The following ARHGEF7 variants were observed in gnomAD, a reference collection of about 807,000 sequenced individuals.
ARHGEF7 encodes PAK-interacting exchange factor beta.
ARHGEF7 carries 33 observed loss-of-function variants against 109.8 expected under a neutral mutation model. The observed-to-expected ratio is 0.30, with a 90% CI of 0.23 to 0.40. The LOEUF (loss-of-function observed/expected upper bound fraction) is 0.40, where lower values mean the gene tolerates loss of function less well. Among genes scored for constraint, ARHGEF7 ranks in the 10% least tolerant of loss-of-function variants. The pLI, the probability that ARHGEF7 is intolerant of heterozygous loss-of-function variation, is 1.00. For missense variants in ARHGEF7, 938 were observed against 1,098.5 expected (o/e 0.85, Z 2.07); for synonymous variants, 458 against 424.6 (o/e 1.08, Z -0.97).
At chr13:111,157,726 A>G (rs2153385388) in intron 2 of ARHGEF7, among the ~76,000 whole-genome samples, 1 of 152,228 alleles carries the variant, frequency 6.6e-6, no homozygotes, top group Admixed American at 6.5e-5. Flanking sequence ...TGTTTCCAGT[A>G]TTTTGCTATG....
intron 8 of ARHGEF7, among the ~76,000 whole-genome samples, chr13:111,246,423 A>G (rs1315222379): frequency 6.6e-6 from 1 of 152,168 alleles, no homozygotes; most frequent in African/African-American, 2.4e-5. Flanking sequence ...AGTTCATGAC[A>G]GTTTACCAAC....
intron 8 of ARHGEF7, among the ~76,000 whole-genome samples, chr13:111,261,847 AAC>A (rs1365133697): frequency 2.0e-5 from 3 of 152,246 alleles, no homozygotes; most frequent in African/African-American, 7.2e-5. Context: ...ATGGAAATTA[AAC>A]AGTGTGCTCC....
chr13:111,253,191 T>C (rs2089995516), intron 8 of ARHGEF7, among the ~76,000 whole-genome samples: 1 of 152,266 alleles, frequency 6.6e-6, no homozygotes, highest in South Asian at 2.1e-4. Context: ...GAGAATTCCC[T>C]GTACTACATG....
At chr13:111,235,158 T>TA (rs760384515) in intron 6 of ARHGEF7, among the ~76,000 whole-genome samples, 12 of 152,362 alleles carry the variant, frequency 7.9e-5, no homozygotes, top group Non-Finnish European at 1.8e-4. Context: ...AAGGGTGTGT[T>TA]ACCTTCTGTT....
intron 8 of ARHGEF7, among the ~76,000 whole-genome samples, chr13:111,254,433 T>C (rs1386930615): frequency 2.9e-4 from 37 of 126,758 alleles, no homozygotes; most frequent in African/African-American, 4.9e-4. Flanking sequence ...AAGGCCGGGC[T>C]CAGAAGAGGA....
rs2066662918 is a variant in ARHGEF7 at position 111,115,385 on chromosome 13, C to T, written c.-142C>T. 1.3e-5 allele frequency: 6 copies of T among 474,366 alleles called. No homozygotes were observed. In the South Asian group the frequency reaches 5.1e-4, roughly 40 times the overall value. 29.4% of individuals were successfully genotyped at this position (474,366 alleles called of 1,614,324 possible). On this transcript the variant is annotated 5_prime_UTR_variant, in exon 1 of 22. Coordinates refer to ENST00000646102, the MANE Select transcript of ARHGEF7 (RefSeq NM_001354046.2). ...CACGGAGAAGCGGGCCGGGCCGGAC[C>T]TGCTGGGCCGCGCCGAGCCAATCGC...
chr13:111,254,165 C>T (rs879435681), intron 8 of ARHGEF7, among the ~76,000 whole-genome samples: 1 of 152,184 alleles, frequency 6.6e-6, no homozygotes, highest in African/African-American at 2.4e-5. Flanking sequence ...TGTACATTTT[C>T]TGTAAGATGA....
chr13:111,195,493 G>C (rs2153452317), intron 2 of ARHGEF7, among the ~76,000 whole-genome samples: 1 of 152,338 alleles, frequency 6.6e-6, no homozygotes, highest in South Asian at 2.1e-4. Flanking sequence ...TCCAGGACTG[G>C]AGATTAACAC....
Position 111,115,567 on chromosome 13 carries a change from TGG to T in ARHGEF7, c.45_46del (p.Val16AlafsTer71). ...CAAACCGTTACGTGGCTCATCACTC[TGG>T]GGGTGCTGGAGTCGCCCAAAAAAAC... is the stretch of plus-strand genomic sequence containing the variant. On this transcript the variant is annotated frameshift_variant, in exon 1 of 22. Transcript: ENST00000646102. LOFTEE classifies it high-confidence loss of function. 7.1e-7 allele frequency: 1 copy of T among 1,413,248 alleles called. No homozygotes were observed. Among genetic ancestry groups the T allele is most frequent in the Non-Finnish European group, 9.4e-7 (1 of 1,065,214 alleles). 87.5% of individuals were successfully genotyped at this position (1,413,248 alleles called of 1,614,324 possible). A position where few individuals can be genotyped will look rare whatever the true frequency, so the allele number is the denominator to read the frequency against.
intron 19 of ARHGEF7, among the ~76,000 whole-genome samples, chr13:111,299,870 A>T (rs541064813): frequency 1.2e-3 from 185 of 152,342 alleles, no homozygotes; most frequent in African/African-American, 4.2e-3. Flanking sequence ...AATGTTTCTC[A>T]TGGTACCGCT....
chr13:111,263,685 G>T (rs1360965204), intron 8 of ARHGEF7, among the ~76,000 whole-genome samples: 1 of 152,162 alleles, frequency 6.6e-6, no homozygotes, highest in African/African-American at 2.4e-5. Context: ...TCCTAGTGAG[G>T]CATGCAGGGT....
At chr13:111,134,719 A>G (rs2074999141) in intron 1 of ARHGEF7, among the ~76,000 whole-genome samples, 1 of 152,124 alleles carries the variant, frequency 6.6e-6, no homozygotes, top group East Asian at 1.9e-4. Context: ...GTAGATTGCA[A>G]AAATTTTCTT....
chr13:111,133,211 GTATA>G (rs755987039), intron 1 of ARHGEF7, among the ~76,000 whole-genome samples: 1 of 151,754 alleles, frequency 6.6e-6, no homozygotes, highest in Non-Finnish European at 1.5e-5. Flanking sequence ...GTGTATATGT[GTATA>G]TATGTGTGCA....
At chr13:111,259,379 T>TCA (rs370178158) in intron 8 of ARHGEF7, among the ~76,000 whole-genome samples, 65 of 152,018 alleles carry the variant, frequency 4.3e-4, no homozygotes, top group Non-Finnish European at 8.5e-4. Context: ...GCTACTCATC[T>TCA]CACACACACA....
At chr13:111,205,221 A>G (rs1480788618) in intron 2 of ARHGEF7, 68 bp from the exon 3 acceptor site, 13 of 1,266,692 alleles carry the variant, frequency 1.0e-5, no homozygotes, top group Non-Finnish European at 1.4e-5. Flanking sequence ...CGTTGCTGGG[A>G]GAACTTAGTT....
At chr13:111,177,317 G>A (rs1418245585) in intron 2 of ARHGEF7, among the ~76,000 whole-genome samples, 1 of 152,218 alleles carries the variant, frequency 6.6e-6, no homozygotes, top group Non-Finnish European at 1.5e-5. Context: ...CACAAATGAT[G>A]TTGTGTTATC....
At chr13:111,245,518 C>T (rs1321173186) in intron 8 of ARHGEF7, among the ~76,000 whole-genome samples, 2 of 152,178 alleles carry the variant, frequency 1.3e-5, no homozygotes, top group Non-Finnish European at 1.5e-5. Context: ...AACTGTAGAA[C>T]AGTCAACGTT....
chr13:111,286,075 C>T, intron 16 of ARHGEF7, 72 bp from the exon 17 acceptor site: 3 of 1,231,046 alleles, frequency 2.4e-6, no homozygotes, highest in Non-Finnish European at 3.6e-6. Flanking sequence ...ACCTTTACAG[C>T]AGCCTTTCTG....
chr13:111,188,194 G>GC (rs2079467714), intron 2 of ARHGEF7, among the ~76,000 whole-genome samples: 1 of 152,170 alleles, frequency 6.6e-6, no homozygotes, highest in South Asian at 2.1e-4. Context: ...CCACGCTGTG[G>GC]AGCTGTCTTG....
Sources: gnomAD v4.1 joint callset for allele counts (sites outside exome capture counted in the v4.1 genomes callset) on GRCh38, gnomAD v4.1.1 for gene constraint, MANE v1.5 for transcripts, NCBI Gene and HGNC (gene_info 2026-07-23, HGNC 2026-07-21) for gene names.